The following SKAP1 variants were observed in gnomAD, a reference collection of about 807,000 sequenced individuals.
SKAP1 encodes src kinase-associated phosphoprotein 1.
SKAP1 carries 44 observed loss-of-function variants against 58.5 expected under a neutral mutation model. The ratio of observed to expected loss-of-function variants is 0.75; its 90% CI spans 0.59 to 0.97. SKAP1 has a LOEUF of 0.97. SKAP1 is among the 50% of genes least tolerant of loss of function. SKAP1 has a pLI of 0.00. For synonymous variants in SKAP1, 127 were observed against 149.7 expected (o/e 0.85, Z 1.11); for missense variants, 390 against 435.2 (o/e 0.90, Z 0.92).
At chr17:48,364,933 G>A (rs538147213) in intron 2 of SKAP1, among the ~76,000 whole-genome samples, 4 of 151,562 alleles carry the variant, frequency 2.6e-5, no homozygotes, top group Admixed American at 2.6e-4. Flanking sequence ...ACCCAAGCTG[G>A]AATGCAATGG....
chr17:48,398,691 C>T (rs1464825929), intron 1 of SKAP1, among the ~76,000 whole-genome samples: 3 of 152,090 alleles, frequency 2.0e-5, no homozygotes, highest in South Asian at 4.1e-4. Flanking sequence ...CATTTAACAA[C>T]GCCAGGCCGG....
intron 11 of SKAP1, among the ~76,000 whole-genome samples, chr17:48,153,894 TAAAAAAA>T (rs1259590946): frequency 1.0e-5 from 1 of 99,248 alleles, no homozygotes; most frequent in East Asian, 2.7e-4. Flanking sequence ...GCCCTGAAAT[TAAAAAAA>T]AAAAAAAAAA....
intron 4 of SKAP1, among the ~76,000 whole-genome samples, chr17:48,301,368 C>T (rs766999992): frequency 1.1e-4 from 16 of 152,136 alleles, no homozygotes; most frequent in Non-Finnish European, 2.1e-4. Flanking sequence ...CAGGGAGATT[C>T]CCAATTACCT....
At chr17:48,172,541 C>T (rs940247913) in intron 9 of SKAP1, among the ~76,000 whole-genome samples, 1 of 152,072 alleles carries the variant, frequency 6.6e-6, no homozygotes, top group East Asian at 1.9e-4. Context: ...TGCTCTTTTC[C>T]CACTCTCTCA....
At chr17:48,413,176 T>TGATGAAGA (rs1251054342) in intron 1 of SKAP1, among the ~76,000 whole-genome samples, 1 of 151,966 alleles carries the variant, frequency 6.6e-6, no homozygotes, top group Admixed American at 6.6e-5. Flanking sequence ...TACCAAAACT[T>TGATGAAGA]GATGAAGACC....
chr17:48,159,657 C>T (rs969099954), intron 11 of SKAP1, among the ~76,000 whole-genome samples: 4 of 152,250 alleles, frequency 2.6e-5, no homozygotes, highest in Middle Eastern at 6.8e-3. Context: ...AGAGATGAGG[C>T]ACTACTGAAC....
At chr17:48,302,682 T>C (rs7215143) in intron 4 of SKAP1, among the ~76,000 whole-genome samples, 31,557 of 152,172 alleles carry the variant, frequency 0.21, 3,278 homozygotes, top group Admixed American at 0.22. Context: ...AGAATGGGCC[T>C]AACCACCAAA....
chr17:48,440,879 C>G, the SKAP1 span, among the ~76,000 whole-genome samples: 3 of 152,150 alleles, frequency 2.0e-5, no homozygotes, highest in Admixed American at 6.5e-5. Context: ...GAGTTTTGCA[C>G]TAAACTGACA....
chr17:48,418,107 G>T (rs759685599), intron 1 of SKAP1, among the ~76,000 whole-genome samples: 12 of 152,102 alleles, frequency 7.9e-5, no homozygotes, highest in Non-Finnish European at 1.2e-4. Flanking sequence ...GGACAATACA[G>T]CAAGACTCTC....
chr17:48,180,324 GAGGA>G, intron 8 of SKAP1, 76 bp from the exon 9 acceptor site: 1 of 1,109,058 alleles, frequency 9.0e-7, no homozygotes, highest in Non-Finnish European at 1.3e-6. Context: ...GAGGGAGAAG[GAGGA>G]GGAGGGATGA....
intron 1 of SKAP1, among the ~76,000 whole-genome samples, chr17:48,404,012 C>A (rs1905073483): frequency 6.6e-6 from 1 of 150,750 alleles, no homozygotes; most frequent in Admixed American, 6.6e-5. Context: ...TCCCTTGAAC[C>A]TGGGAGGCGG....
At chr17:48,145,340 C>G (rs1026242092) in intron 11 of SKAP1, among the ~76,000 whole-genome samples, 1 of 151,618 alleles carries the variant, frequency 6.6e-6, no homozygotes, top group African/African-American at 2.4e-5. Context: ...ACGCAGCGCT[C>G]ACCATCAGCA....
At chr17:48,182,877 T>C (rs1291850371) in intron 7 of SKAP1, among the ~76,000 whole-genome samples, 1 of 152,022 alleles carries the variant, frequency 6.6e-6, no homozygotes, top group African/African-American at 2.4e-5. Flanking sequence ...TAGGTCAGAG[T>C]GGCTTGCTGA....
At chr17:48,329,012 A>C (rs376416633) in intron 4 of SKAP1, among the ~76,000 whole-genome samples, 88 of 152,362 alleles carry the variant, frequency 5.8e-4, no homozygotes, top group African/African-American at 1.9e-3. Context: ...TAACTAAAAA[A>C]TTACATTTTA....
At chr17:48,276,801 A>G (rs550456970) in intron 4 of SKAP1, among the ~76,000 whole-genome samples, 6 of 152,264 alleles carry the variant, frequency 3.9e-5, no homozygotes, top group African/African-American at 9.6e-5. Flanking sequence ...AAGCAATTCA[A>G]TTTTGCTTAA....
chr17:48,206,939 T>C (rs1182071435), intron 4 of SKAP1, among the ~76,000 whole-genome samples: 1 of 152,146 alleles, frequency 6.6e-6, no homozygotes, highest in Admixed American at 6.5e-5. Context: ...GTACACACCA[T>C]TGTGCCTGGC....
intron 2 of SKAP1, among the ~76,000 whole-genome samples, chr17:48,384,901 G>T (rs923742207): frequency 6.6e-6 from 1 of 152,152 alleles, no homozygotes; most frequent in African/African-American, 2.4e-5. Flanking sequence ...AAGCTGTGGA[G>T]CTATGGACAT....
chr17:48,288,707 G>T (rs996669017), intron 4 of SKAP1, among the ~76,000 whole-genome samples: 1 of 152,026 alleles, frequency 6.6e-6, no homozygotes, highest in African/African-American at 2.4e-5. Context: ...GCAAAGAAAA[G>T]AAATTTAAAC....
the SKAP1 span, among the ~76,000 whole-genome samples, chr17:48,444,719 C>T: frequency 6.6e-6 from 1 of 152,178 alleles, no homozygotes; most frequent in Non-Finnish European, 1.5e-5. Flanking sequence ...CTATGCAGTC[C>T]TCTATCGGTA....
Sources: gnomAD v4.1 joint callset for allele counts (sites outside exome capture counted in the v4.1 genomes callset) on GRCh38, gnomAD v4.1.1 for gene constraint, MANE v1.5 for transcripts, NCBI Gene and HGNC (gene_info 2026-07-23, HGNC 2026-07-21) for gene names.